The following SCAND3 variants were observed in gnomAD, a reference collection of about 807,000 sequenced individuals.
SCAND3 encodes SCAN domain containing 3.
chr6:28,579,705 C>A, the SCAND3 span, among the ~76,000 whole-genome samples: 1 of 152,204 alleles, frequency 6.6e-6, no homozygotes, highest in South Asian at 2.1e-4. The surrounding 1 kb of genome is among the most constrained non-coding windows in gnomAD (Gnocchi z 4.5). Context: ...TCTCCTAAAC[C>A]GTGATGACTG....
At chr6:28,606,955 G>C in the SCAND3 span, among the ~76,000 whole-genome samples, 200 of 152,326 alleles carry the variant, frequency 1.3e-3, 3 homozygotes, top group African/African-American at 4.5e-3. Flanking sequence ...AAAAGCGAGA[G>C]ACAACAGATT....
chr6:28,586,505 ACTCAGAGCCTCCCTGGGCCCAGGTGT>A, the SCAND3 span: 1 of 1,614,098 alleles, frequency 6.2e-7, no homozygotes, highest in Non-Finnish European at 8.5e-7. This position sits in a 1 kb window ranked among gnomAD's most constrained non-coding sequence, Gnocchi z 4.4. Context: ...CCCGCAGTTG[ACTCAGAGCCTCCCTGGGCCCAGGTGT>A]CTCCTGATAG....
the SCAND3 span, chr6:28,574,621 C>G: frequency 6.3e-7 from 1 of 1,589,866 alleles, no homozygotes; most frequent in Middle Eastern, 1.7e-4. Flanking sequence ...CTGCTTTCAT[C>G]TACGGCAGAT....
chr6:28,575,512 TC>T, the SCAND3 span: 1 of 1,613,860 alleles, frequency 6.2e-7, no homozygotes, highest in Non-Finnish European at 8.5e-7. The surrounding 1 kb of genome is among the most constrained non-coding windows in gnomAD (Gnocchi z 4.2). Flanking sequence ...TGTACAGAGA[TC>T]TTGATAATGC....
At chr6:28,606,873 G>C in the SCAND3 span, among the ~76,000 whole-genome samples, 1 of 152,162 alleles carries the variant, frequency 6.6e-6, no homozygotes, top group Non-Finnish European at 1.5e-5. Context: ...GTCTCAGCTG[G>C]TACCCTGGCT....
the SCAND3 span, among the ~76,000 whole-genome samples, chr6:28,606,655 T>C: frequency 6.6e-6 from 1 of 152,170 alleles, no homozygotes; most frequent in Non-Finnish European, 1.5e-5. Context: ...TTCCAGTTTG[T>C]CCTTGTGATT....
the SCAND3 span, among the ~76,000 whole-genome samples, chr6:28,602,028 G>C: frequency 6.6e-6 from 1 of 152,048 alleles, no homozygotes; most frequent in East Asian, 1.9e-4. Context: ...GGCAGCTATG[G>C]GAACTATGGC....
the SCAND3 span, chr6:28,589,242 A>G: frequency 6.6e-6 from 1 of 152,240 alleles, no homozygotes; most frequent in African/African-American, 2.4e-5. Flanking sequence ...CTCCTTCTTC[A>G]GCAGCAAAGC....
chr6:28,574,649 C>A, the SCAND3 span: 1 of 1,612,184 alleles, frequency 6.2e-7, no homozygotes, highest in Non-Finnish European at 8.5e-7. Context: ...CTTACCCAGT[C>A]TCCTACTTTG....
At chr6:28,575,560 A>AT in the SCAND3 span, 1 of 1,613,992 alleles carries the variant, frequency 6.2e-7, no homozygotes, top group Non-Finnish European at 8.5e-7. This position sits in a 1 kb window ranked among gnomAD's most constrained non-coding sequence, Gnocchi z 4.2. Flanking sequence ...ATTCAACTGC[A>AT]TGTCTATAAG....
the SCAND3 span, chr6:28,575,330 T>C: frequency 6.2e-7 from 1 of 1,614,048 alleles, no homozygotes; most frequent in South Asian, 1.1e-5. The surrounding 1 kb of genome is among the most constrained non-coding windows in gnomAD (Gnocchi z 4.2). Context: ...CCATGGACAA[T>C]TTTCAATTCT....
At chr6:28,599,911 A>G in the SCAND3 span, among the ~76,000 whole-genome samples, 6,183 of 152,182 alleles carry the variant, frequency 0.041, 185 homozygotes, top group Non-Finnish European at 0.062. Context: ...AAATTTTAAT[A>G]AAACAATTGG....
At chr6:28,603,028 T>C in the SCAND3 span, among the ~76,000 whole-genome samples, 2 of 144,422 alleles carry the variant, frequency 1.4e-5, no homozygotes, top group African/African-American at 2.7e-5. Context: ...AGTGGCGCGA[T>C]CTCGGCTCAC....
chr6:28,592,860 C>T, the SCAND3 span, among the ~76,000 whole-genome samples: 1 of 152,044 alleles, frequency 6.6e-6, no homozygotes, highest in Non-Finnish European at 1.5e-5. This position sits in a 1 kb window ranked among gnomAD's most constrained non-coding sequence, Gnocchi z 4.1. Context: ...TGGTTATCCA[C>T]ATGAAGAAGA....
the SCAND3 span, chr6:28,598,079 T>C: frequency 6.6e-6 from 1 of 152,180 alleles, no homozygotes; most frequent in Non-Finnish European, 1.5e-5. Context: ...GTAAGATGAT[T>C]TAGCCTGGCT....
the SCAND3 span, among the ~76,000 whole-genome samples, chr6:28,595,357 AAGAAG>A: frequency 1.5e-5 from 2 of 130,350 alleles, no homozygotes; most frequent in Non-Finnish European, 3.3e-5. Context: ...AAAAAAAAAG[AAGAAG>A]AAGAAGAAGA....
the SCAND3 span, among the ~76,000 whole-genome samples, chr6:28,612,749 T>A: frequency 0.041 from 6,222 of 152,272 alleles, 184 homozygotes; most frequent in Non-Finnish European, 0.062. Flanking sequence ...TACATAGTAG[T>A]GTTGAATAAA....
At chr6:28,589,600 C>G in the SCAND3 span, 2 of 152,128 alleles carry the variant, frequency 1.3e-5, no homozygotes, top group African/African-American at 4.8e-5. Context: ...CATGAAAGTA[C>G]CAAGCTCTTT....
the SCAND3 span, chr6:28,579,419 C>A: frequency 3.1e-6 from 5 of 1,610,216 alleles, no homozygotes; most frequent in South Asian, 4.4e-5. The surrounding 1 kb of genome is among the most constrained non-coding windows in gnomAD (Gnocchi z 4.5). Flanking sequence ...CCCTGTGAGA[C>A]CTGTGGACAA....
Sources: gnomAD v4.1 joint callset for allele counts (sites outside exome capture counted in the v4.1 genomes callset) on GRCh38, gnomAD v4.1.1 for gene constraint, Gnocchi (gnomAD v3.1) non-coding constraint, MANE v1.5 for transcripts, NCBI Gene and HGNC (gene_info 2026-07-23, HGNC 2026-07-21) for gene names.